Variants in WWC1 observed in about 807,000 individuals in gnomAD.
The protein encoded by WWC1 is WW and C2 domain containing 1.
WWC1 carries 55 observed loss-of-function variants against 138.4 expected under a neutral mutation model. The observed-to-expected ratio is 0.40, with a 90% CI of 0.32 to 0.50. WWC1 has a LOEUF of 0.50. WWC1 is among the 20% of genes least tolerant of loss of function. The pLI, the probability that WWC1 is intolerant of heterozygous loss-of-function variation, is 0.72. For synonymous variants in WWC1, 524 were observed against 564.9 expected (o/e 0.93, Z 1.03); for missense variants, 1,226 against 1,420.4 (o/e 0.86, Z 2.20).
At chr5:168,375,519 G>A (rs1367801223) in intron 2 of WWC1, among the ~76,000 whole-genome samples, 21 of 152,046 alleles carry the variant, frequency 1.4e-4, no homozygotes, top group Admixed American at 1.4e-3. Flanking sequence ...AGAAAACAGG[G>A]GAGGAATTGG....
chr5:168,459,253 T>TAA (rs1756589217), intron 19 of WWC1, among the ~76,000 whole-genome samples: 1 of 59,682 alleles, frequency 1.7e-5, no homozygotes, highest in Non-Finnish European at 3.6e-5. Context: ...AAACCCTGTC[T>TAA]CAAAAAAAAA....
chr5:168,321,045 G>C (rs1772030225), intron 1 of WWC1, among the ~76,000 whole-genome samples: 1 of 152,148 alleles, frequency 6.6e-6, no homozygotes, highest in Non-Finnish European at 1.5e-5. Flanking sequence ...TTGCTACATG[G>C]GTTACCGTAG....
chr5:168,295,548 A>G (rs1349795100), intron 1 of WWC1, among the ~76,000 whole-genome samples: 1 of 148,202 alleles, frequency 6.7e-6, no homozygotes, highest in Non-Finnish European at 1.5e-5. Flanking sequence ...TCCTTACCTG[A>G]ATCATGGAGA....
At chr5:168,300,302 G>GA (rs1769945721) in intron 1 of WWC1, among the ~76,000 whole-genome samples, 1 of 152,144 alleles carries the variant, frequency 6.6e-6, no homozygotes, top group Admixed American at 6.5e-5. Flanking sequence ...GGGGTGGCGG[G>GA]AGGAGGGGGC....
In WWC1 at chr5:168,375,562, T is replaced by G. The variant is rs371368530; in HGVS notation, c.229+4029T>G. ...AATGCAGACAACTCTTTCTTTTTTTTTGTTTTTTTCTTTTCTTTTCTTCTT... is the reference window on the plus strand; with the variant it reads ...AATGCAGACAACTCTTTCTTTTTTTGTGTTTTTTTCTTTTCTTTTCTTCTT... On this transcript the variant is annotated intron_variant, in intron 2 of 22. Transcript: ENST00000265293. Among the ~76,000 whole-genome samples, 73 of 152,236 alleles carry G rather than the reference T, an allele frequency of 4.8e-4. No homozygotes were observed. The Middle Eastern group carries it at 0.01, about 21-fold the overall frequency.
chr5:168,429,910 G>C (rs546070189), intron 13 of WWC1, among the ~76,000 whole-genome samples: 1 of 152,080 alleles, frequency 6.6e-6, no homozygotes, highest in Non-Finnish European at 1.5e-5. Context: ...ACTCAACCTG[G>C]ATGACAGAGT....
chr5:168,454,071 C>G lies in WWC1; in HGVS notation c.2629C>G (p.Pro877Ala). 1 of 1,612,956 alleles carries G rather than the reference C, an allele frequency of 6.2e-7. No individual in the cohort carries two copies. Among genetic ancestry groups the G allele is most frequent in the Non-Finnish European group, 8.5e-7 (1 of 1,179,818 alleles). ...EEDVFTEKAS[P>A]DMDGYPALKV... is the part of the protein sequence containing the mutation. Reference sequence around the variant, plus strand: ...GGATGTTTTCACCGAGAAAGCCTCACCTGATATGGATGGGTACCCAGCATT... The same window carrying G: ...GGATGTTTTCACCGAGAAAGCCTCAGCTGATATGGATGGGTACCCAGCATT... The change falls in exon 18 of 23, where the codon CCT becomes GCT. Residue 877 changes from proline (P) to alanine (A), a missense_variant. By Grantham distance (27) the Pro-to-Ala change is conservative. This residue lies in a region of WWC1 where 1,016 missense variants were observed against 1,153.9 expected (regional missense o/e 0.88). Transcript: ENST00000265293.
At chr5:168,440,096 A>G (rs951006982) in intron 15 of WWC1, among the ~76,000 whole-genome samples, 5 of 152,198 alleles carry the variant, frequency 3.3e-5, no homozygotes, top group African/African-American at 1.2e-4. Context: ...GTAACACAGA[A>G]TGGGTATTCA....
chr5:168,403,039 T>TTTCTTTCTTTCC, intron 5 of WWC1, among the ~76,000 whole-genome samples: 5 of 129,414 alleles, frequency 3.9e-5, no homozygotes, highest in Non-Finnish European at 6.4e-5. Context: ...TCTTTCTTTC[T>TTTCTTTCTTTCC]TTCTTTCTTT....
Position 168,454,043 on chromosome 5 carries a change from A to G in WWC1, c.2601A>G (p.Glu867=), listed in dbSNP as rs778478677. 1.2e-6 allele frequency: 2 copies of G among 1,612,174 alleles called. No individual in the cohort carries two copies. Among genetic ancestry groups the G allele is most frequent in the Non-Finnish European group, 8.5e-7 (1 of 1,179,760 alleles). Residue 867 remains glutamate, a synonymous_variant, in exon 18 of 23, where the codon GAA becomes GAG. Transcript: ENST00000265293. ...EEEEVEEEEG[E]EDVFTEKASP... ...AGGAGGTGGAGGAGGAGGAGGGAGA[A>G]GAGGATGTTTTCACCGAGAAAGCCT...
Position 168,292,321 on chromosome 5 carries a change from C to G in WWC1, c.119+50C>G. 6.5e-7 allele frequency: 1 copy of G among 1,537,610 alleles called. No individual in the cohort carries two copies. The highest frequency in any genetic ancestry group is 8.8e-7 in the Non-Finnish European group (1 of 1,141,322). Reference sequence around the variant, plus strand: ...TGCCCCCACACCCCCGCCTGGGCCCCCACCTGCCCCTGGAGCCGCCGGCCG... The same window carrying G: ...TGCCCCCACACCCCCGCCTGGGCCCGCACCTGCCCCTGGAGCCGCCGGCCG... On this transcript the variant is annotated intron_variant, in intron 1 of 22. Coordinates refer to ENST00000265293, the MANE Select transcript of WWC1 (RefSeq NM_015238.3). The surrounding 1 kb of genome is among the most constrained non-coding windows in gnomAD (Gnocchi z 4.4).
At chr5:168,438,354 A>T (rs1346503389) in intron 15 of WWC1, among the ~76,000 whole-genome samples, 1 of 152,130 alleles carries the variant, frequency 6.6e-6, no homozygotes, top group African/African-American at 2.4e-5. Flanking sequence ...GTGTGTTCTC[A>T]TGAGATCTGA....
chr5:168,423,438 G>T (rs1781273797), intron 10 of WWC1, 95 bp from the exon 11 acceptor site: 6 of 1,380,602 alleles, frequency 4.3e-6, no homozygotes, highest in Non-Finnish European at 5.9e-6. Context: ...AGCAAGTCTA[G>T]TGAGATCATG....
chr5:168,421,616 T>C (rs1363775819), intron 9 of WWC1, among the ~76,000 whole-genome samples: 3 of 152,144 alleles, frequency 2.0e-5, no homozygotes, highest in South Asian at 2.1e-4. Flanking sequence ...AGCTGAAAGA[T>C]GGAGGAAGGA....
intron 1 of WWC1, among the ~76,000 whole-genome samples, chr5:168,338,424 G>GC (rs140283483): frequency 1.2e-5 from 1 of 81,078 alleles, no homozygotes; most frequent in South Asian, 3.6e-4. Context: ...CTTTTTTTTT[G>GC]GGGGGGGATT....
Position 168,469,050 on chromosome 5 carries a change from C to G in WWC1, c.*33C>G. On this transcript the variant is annotated 3_prime_UTR_variant, in exon 23 of 23. Transcript: ENST00000265293. ...AAAAGTATTTCCTTTGTTCCACTGACCAGGCTGTGAACATTGACTGTGGCT... is the reference window on the plus strand; with the variant it reads ...AAAAGTATTTCCTTTGTTCCACTGAGCAGGCTGTGAACATTGACTGTGGCT... 2 of 1,611,906 alleles carry G rather than the reference C, an allele frequency of 1.2e-6. No homozygotes were observed. Among genetic ancestry groups the G allele is most frequent in the Non-Finnish European group, 1.7e-6 (2 of 1,178,010 alleles).
chr5:168,437,994 T>C (rs1157109523), intron 15 of WWC1, among the ~76,000 whole-genome samples: 1 of 152,184 alleles, frequency 6.6e-6, no homozygotes, highest in Non-Finnish European at 1.5e-5. Context: ...AGACAAATAT[T>C]TGTATATATG....
chr5:168,411,185 C>T (rs1432661470), intron 8 of WWC1, among the ~76,000 whole-genome samples: 4 of 152,056 alleles, frequency 2.6e-5, no homozygotes, highest in African/African-American at 9.7e-5. Context: ...CCTCAGCCTC[C>T]CAAAGTGCTG....
chr5:168,393,670 C>T (rs552219137), intron 3 of WWC1, among the ~76,000 whole-genome samples: 3 of 152,170 alleles, frequency 2.0e-5, no homozygotes, highest in East Asian at 1.9e-4. Context: ...AAAAGGAAGA[C>T]GCGGTATACA....
Sources: allele counts gnomAD v4.1 joint callset (sites outside exome capture counted in the v4.1 genomes callset), GRCh38; gene constraint gnomAD v4.1.1; regional missense constraint gnomAD v4.1.1; non-coding constraint Gnocchi (gnomAD v3.1); transcripts MANE v1.5; gene names NCBI Gene and HGNC (gene_info 2026-07-23, HGNC 2026-07-21).